Variants in PIK3R3 observed in about 807,000 individuals in gnomAD.
PIK3R3 encodes the protein phosphoinositide-3-kinase regulatory subunit 3.
In PIK3R3, 64 loss-of-function variants were observed where a neutral mutation model predicts 62.9. The observed-to-expected ratio is 1.02, with a 90% CI of 0.83 to 1.25. The LOEUF (loss-of-function observed/expected upper bound fraction) is 1.25. Ranked by LOEUF, PIK3R3 falls within the 50% of genes most tolerant of loss-of-function variation. The probability of loss-of-function intolerance (pLI) is 0.00; values close to 1 mark genes in which losing one functional copy is unlikely to be tolerated. For missense variants in PIK3R3, 614 were observed against 561.6 expected (o/e 1.09, Z -0.94); for synonymous variants, 165 against 189.0 (o/e 0.87, Z 1.04).
At chr1:46,159,884 T>G in the PIK3R3 span, among the ~76,000 whole-genome samples, 1 of 152,226 alleles carries the variant, frequency 6.6e-6, no homozygotes, top group African/African-American at 2.4e-5. Flanking sequence ...ACCTTTCTGC[T>G]ATGCCGTGTT....
At chr1:46,071,730 T>TAGAGAGAGAG (rs140765040) in intron 3 of PIK3R3, among the ~76,000 whole-genome samples, 3 of 59,064 alleles carry the variant, frequency 5.1e-5, no homozygotes, top group African/African-American at 2.4e-4. Context: ...TATATATATA[T>TAGAGAGAGAG]AGAGAGAGAG....
the PIK3R3 span, among the ~76,000 whole-genome samples, chr1:46,166,063 C>A: frequency 6.6e-6 from 1 of 151,652 alleles, no homozygotes; most frequent in Non-Finnish European, 1.5e-5. Context: ...CGTGAGCCAC[C>A]GTGCCCGGCC....
At chr1:46,121,330 G>A (rs1343332359) in intron 1 of PIK3R3, among the ~76,000 whole-genome samples, 3 of 152,230 alleles carry the variant, frequency 2.0e-5, no homozygotes, top group South Asian at 4.1e-4. Flanking sequence ...TGACCCTGTT[G>A]TAAAAAGGTC....
At chr1:46,058,735 C>T (rs918186765) in intron 6 of PIK3R3, among the ~76,000 whole-genome samples, 1 of 152,194 alleles carries the variant, frequency 6.6e-6, no homozygotes, top group Non-Finnish European at 1.5e-5. Flanking sequence ...CCCACTGTAT[C>T]TAGGAAATAA....
At chr1:46,159,738 T>TAA in the PIK3R3 span, among the ~76,000 whole-genome samples, 20 of 148,122 alleles carry the variant, frequency 1.4e-4, no homozygotes, top group African/African-American at 5.0e-4. Context: ...ATGAGTACCA[T>TAA]ACACACACAC....
At chr1:46,061,841 G>C in intron 6 of PIK3R3, 88 bp downstream of exon 6, 1 of 1,249,888 alleles carries the variant, frequency 8.0e-7, no homozygotes, top group Admixed American at 1.8e-5. Flanking sequence ...TGCAGTTTGA[G>C]GGGGTAAAAG....
At chr1:46,073,470 A>C (rs1272785955) in intron 3 of PIK3R3, among the ~76,000 whole-genome samples, 1 of 152,202 alleles carries the variant, frequency 6.6e-6, no homozygotes, top group Non-Finnish European at 1.5e-5. Flanking sequence ...AGTAGATTTT[A>C]AGTGACAAAT....
chr1:46,157,425 T>C, the PIK3R3 span, among the ~76,000 whole-genome samples: 37,273 of 152,080 alleles, frequency 0.25, 5,691 homozygotes, highest in East Asian at 0.44. Flanking sequence ...TGAGCCACTG[T>C]GCCTGACCAT....
rs776530965 is a variant in PIK3R3 at position 46,077,587 on chromosome 1, T to A, written c.242A>T (p.Asp81Val). The A allele has an allele frequency of 6.2e-7, 1 of 1,610,838 alleles. No homozygotes were observed. The highest frequency in any genetic ancestry group is 1.1e-5 in the South Asian group (1 of 91,008). Reference sequence around the variant, plus strand: ...GACCAAGAAGGTCCCATCTGGCATATCCCGCAATTTGTCATTTACCTCCTC... The same window carrying A: ...GACCAAGAAGGTCCCATCTGGCATAACCCGCAATTTGTCATTTACCTCCTC... ...SREEVNDKLR[D>V]MPDGTFLVRD... Residue 81 changes from aspartate to valine, a missense_variant, in exon 3 of 10, where the codon GAT becomes GTT. Physicochemically the swap from Asp to Val is radical, Grantham distance 152 (BLOSUM62 -3). Transcript: ENST00000262741.
In PIK3R3 at chr1:46,093,541, A is replaced by G. The variant is rs1651834368; in HGVS notation, c.107-12791T>C. Among the ~76,000 whole-genome samples, 3 of 152,188 alleles carry G rather than the reference A, an allele frequency of 2.0e-5. No homozygotes were observed. In the South Asian group the frequency reaches 6.2e-4, roughly 31 times the overall value. ...TAAGAAAAATGTTTCAGTCACATAA[A>G]TCTTTGCTATATAGTATTGAGGGCA... On this transcript the variant is annotated intron_variant, in intron 1 of 9. Coordinates refer to ENST00000262741, the MANE Select transcript of PIK3R3 (RefSeq NM_003629.4).
At chr1:46,118,877 T>A (rs1027756632) in intron 1 of PIK3R3, among the ~76,000 whole-genome samples, 7 of 151,786 alleles carry the variant, frequency 4.6e-5, no homozygotes, top group Non-Finnish European at 1.0e-4. Context: ...TTTACTACTT[T>A]CCCCTCATTC....
intron 1 of PIK3R3, among the ~76,000 whole-genome samples, chr1:46,082,467 A>G (rs1650688332): frequency 6.6e-6 from 1 of 152,228 alleles, no homozygotes; most frequent in East Asian, 1.9e-4. Context: ...CACTGCGACA[A>G]TGGGCAAAAC....
chr1:46,114,201 C>T (rs1267138265), intron 1 of PIK3R3, among the ~76,000 whole-genome samples: 2 of 152,140 alleles, frequency 1.3e-5, no homozygotes, highest in South Asian at 2.1e-4. Flanking sequence ...ACGTGCCCAC[C>T]CTTAAACCAA....
At chr1:46,129,435 T>G (rs1450401344) in intron 1 of PIK3R3, among the ~76,000 whole-genome samples, 1 of 151,916 alleles carries the variant, frequency 6.6e-6, no homozygotes, top group East Asian at 1.9e-4. Context: ...ATTTATTTAT[T>G]TATTTATTTT....
intron 1 of PIK3R3, among the ~76,000 whole-genome samples, chr1:46,096,375 T>C (rs1652124230): frequency 6.6e-6 from 1 of 152,220 alleles, no homozygotes; most frequent in Non-Finnish European, 1.5e-5. Flanking sequence ...TATATCACCA[T>C]AGTCTCTCTC....
intron 2 of PIK3R3, among the ~76,000 whole-genome samples, chr1:46,080,297 G>A (rs1237330136): frequency 6.6e-6 from 1 of 151,466 alleles, no homozygotes; most frequent in Non-Finnish European, 1.5e-5. Flanking sequence ...CCTGAGCTCG[G>A]GCAATCCACC....
intron 3 of PIK3R3, among the ~76,000 whole-genome samples, chr1:46,071,712 A>ATATAT (rs1553148026): frequency 0.01 from 251 of 24,558 alleles, 17 homozygotes; most frequent in South Asian, 0.015. Context: ...AAAAAAAAAA[A>ATATAT]ATATATATAT....
chr1:46,164,106 A>G, the PIK3R3 span, among the ~76,000 whole-genome samples: 1 of 152,162 alleles, frequency 6.6e-6, no homozygotes, highest in African/African-American at 2.4e-5. Context: ...CTCTGGACAG[A>G]GTAGTTAACA....
chr1:46,065,050 G>A (rs1052964883), intron 5 of PIK3R3, among the ~76,000 whole-genome samples: 2 of 152,162 alleles, frequency 1.3e-5, no homozygotes, highest in Non-Finnish European at 2.9e-5. Flanking sequence ...ATAGACTAAT[G>A]CTTCTATAAA....
Sources: allele counts gnomAD v4.1 joint callset (sites outside exome capture counted in the v4.1 genomes callset), GRCh38; gene constraint gnomAD v4.1.1; transcripts MANE v1.5; gene names NCBI Gene and HGNC (gene_info 2026-07-23, HGNC 2026-07-21).